CDH19: variants seen among roughly 807,000 people sequenced by gnomAD.
CDH19 encodes the protein cadherin 19.
CDH19 carries 67 observed loss-of-function variants against 64.2 expected under a neutral mutation model. The ratio of observed to expected loss-of-function variants is 1.04; its 90% confidence interval spans 0.86 to 1.28. The LOEUF (loss-of-function observed/expected upper bound fraction) is 1.28. Ranked by LOEUF, CDH19 falls within the 50% of genes most tolerant of loss-of-function variation. The pLI is 0.00. For synonymous variants in CDH19, 346 were observed against 319.3 expected, an observed-to-expected ratio of 1.08 and a Z score of -0.89; for missense variants, 1,030 against 929.0, an observed-to-expected ratio of 1.11 and a Z score of -1.41.
intron 1 of CDH19, among the ~76,000 whole-genome samples, chr18:66,603,700 C>A (rs1473087226): frequency 6.6e-6 from 1 of 151,980 alleles, no homozygotes; most frequent in East Asian, 1.9e-4. Flanking sequence ...GGTGTAACTT[C>A]CCCCCAACAC....
In CDH19 at chr18:66,556,800, G is replaced by A. The variant is rs1987536714; in HGVS notation, c.491-2276C>T. 3.9e-5 allele frequency among the ~76,000 whole-genome samples: 6 copies of A among 151,954 alleles called. No individual in the cohort carries two copies. In the South Asian group the frequency reaches 1.2e-3, roughly 31 times the overall value. On this transcript the variant is annotated intron_variant, in intron 3 of 11. Transcript: ENST00000262150. ...AGACACACACAAATAAATGGCCAATGGTTATATGAATGGGTTCTCAACATC... is the reference window on the plus strand; with the variant it reads ...AGACACACACAAATAAATGGCCAATAGTTATATGAATGGGTTCTCAACATC...
intron 9 of CDH19, among the ~76,000 whole-genome samples, chr18:66,525,187 C>T (rs1986173078): frequency 6.6e-6 from 1 of 152,108 alleles, no homozygotes; most frequent in South Asian, 2.1e-4. Context: ...ATCAGCACCA[C>T]TTAATATTAT....
chr18:66,567,707 T>C (rs1251180487), intron 3 of CDH19, among the ~76,000 whole-genome samples: 1 of 151,850 alleles, frequency 6.6e-6, no homozygotes, highest in Non-Finnish European at 1.5e-5. Flanking sequence ...TTTGTCACTG[T>C]TAAGTAAATT....
intron 1 of CDH19, among the ~76,000 whole-genome samples, chr18:66,573,507 T>A (rs1197489768): frequency 6.6e-6 from 1 of 151,714 alleles, no homozygotes; most frequent in Admixed American, 6.6e-5. Flanking sequence ...AGGTGAAATT[T>A]ATCTTTATGT....
chr18:66,567,778 A>G (rs749690589), intron 3 of CDH19, among the ~76,000 whole-genome samples: 4 of 151,864 alleles, frequency 2.6e-5, no homozygotes. Flanking sequence ...TAACTGAGAG[A>G]AGTTGTGCAT....
In CDH19 at chr18:66,589,361, GTATT is replaced by G. The variant is rs1162140542; in HGVS notation, c.-113+14589_-113+14592del. Among the ~76,000 whole-genome samples the G allele has an allele frequency of 5.3e-5, 8 of 151,662 alleles. No homozygotes were observed. The East Asian group carries it at 1.6e-3, about 29-fold the overall frequency. On this transcript the variant is annotated intron_variant, in intron 1 of 11. Transcript: ENST00000262150. ...TTCATTTTCCCAAGAATTTCTAACA[GTATT>G]TATTTCTTTGTTCTTATGCTTTCAT... is the stretch of plus-strand genomic sequence containing the variant.
intron 1 of CDH19, chr18:66,596,067 T>C (rs1278849533): frequency 6.6e-6 from 1 of 152,080 alleles, no homozygotes; most frequent in Non-Finnish European, 1.5e-5. Context: ...AAAAATCACA[T>C]GATCATGTCC....
intron 1 of CDH19, among the ~76,000 whole-genome samples, chr18:66,590,572 TTA>T (rs1409942159): frequency 6.6e-6 from 1 of 151,856 alleles, no homozygotes; most frequent in Non-Finnish European, 1.5e-5. Context: ...TAACACTTAT[TTA>T]TAGAACAGTG....
chr18:66,510,222 G>C lies in CDH19; in HGVS notation c.1577-976C>G, dbSNP rs188379024. 2.9e-3 allele frequency among the ~76,000 whole-genome samples: 437 copies of C among 151,680 alleles called. 2 individuals are homozygous for C. The highest frequency in any genetic ancestry group is 0.02 in the South Asian group (95 of 4,822). On this transcript the variant is annotated intron_variant, in intron 10 of 11. Transcript: ENST00000262150. The stretch of plus-strand genomic sequence containing the variant: ...ACATTTCCCAAATCACCTTTTTAAA[G>C]ACAATTCACTATGAAACCCTTAAGG...
chr18:66,512,095 C>A (rs1157470161), intron 9 of CDH19, among the ~76,000 whole-genome samples: 4 of 151,456 alleles, frequency 2.6e-5, no homozygotes, highest in Admixed American at 6.6e-5. Context: ...TTACTGAGAG[C>A]AAAACTGTGG....
intron 10 of CDH19, among the ~76,000 whole-genome samples, chr18:66,510,273 C>T (rs1410775884): frequency 6.6e-6 from 1 of 151,510 alleles, no homozygotes; most frequent in Non-Finnish European, 1.5e-5. Context: ...TGATTTTATT[C>T]GCTAGGCAGA....
chr18:66,540,959 A>C (rs1568187046), intron 7 of CDH19, among the ~76,000 whole-genome samples: 1 of 152,278 alleles, frequency 6.6e-6, no homozygotes, highest in African/African-American at 2.4e-5. Context: ...TCTAATTTTT[A>C]CCATACAAGG....
chr18:66,511,078 C>G (rs1985459542), intron 10 of CDH19, among the ~76,000 whole-genome samples: 1 of 151,698 alleles, frequency 6.6e-6, no homozygotes, highest in Non-Finnish European at 1.5e-5. Flanking sequence ...ACACTTAATC[C>G]TTAGATTGAT....
In CDH19 at chr18:66,506,262, A is replaced by G. The variant is rs578188314; in HGVS notation, c.1829-960T>C. 3.3e-5 allele frequency among the ~76,000 whole-genome samples: 5 copies of G among 152,112 alleles called. No homozygotes were observed. The East Asian group carries it at 7.7e-4, about 24-fold the overall frequency. On this transcript the variant is annotated intron_variant, in intron 11 of 11. Transcript: ENST00000262150. Reference sequence around the variant, plus strand: ...AAGTTCTGGTGTTCTATTATACCGTAGGGTGATTGTAGCTAATAATTTATT... The same window carrying G: ...AAGTTCTGGTGTTCTATTATACCGTGGGGTGATTGTAGCTAATAATTTATT...
chr18:66,600,400 T>G (rs2144648729), intron 1 of CDH19, among the ~76,000 whole-genome samples: 1 of 151,968 alleles, frequency 6.6e-6, no homozygotes, highest in East Asian at 1.9e-4. Context: ...TTTAACTCAC[T>G]CTCTTAAAAG....
intron 2 of CDH19, among the ~76,000 whole-genome samples, chr18:66,570,238 T>C (rs1399408419): frequency 6.6e-6 from 1 of 151,618 alleles, no homozygotes; most frequent in Admixed American, 6.6e-5. Flanking sequence ...TAAGTAAATA[T>C]ATTGCAAGTA....
intron 2 of CDH19, among the ~76,000 whole-genome samples, chr18:66,570,495 T>A (rs1384329510): frequency 1.3e-5 from 2 of 151,728 alleles, no homozygotes; most frequent in Non-Finnish European, 2.9e-5. Flanking sequence ...TCACTTCAAA[T>A]TTTCACTTAA....
At chr18:66,510,809 G>A (rs1985446292) in intron 10 of CDH19, among the ~76,000 whole-genome samples, 1 of 151,316 alleles carries the variant, frequency 6.6e-6, no homozygotes, top group Non-Finnish European at 1.5e-5. Context: ...ATTTACTCTC[G>A]TATGAAAGGC....
chr18:66,519,781 C>G (rs1469355323), intron 9 of CDH19, among the ~76,000 whole-genome samples: 1 of 152,150 alleles, frequency 6.6e-6, no homozygotes, highest in Non-Finnish European at 1.5e-5. Flanking sequence ...AAGAACAACA[C>G]TTATTTTGCT....
Sources: allele counts gnomAD v4.1 joint callset (sites outside exome capture counted in the v4.1 genomes callset), GRCh38; gene constraint gnomAD v4.1.1; transcripts MANE v1.5; gene names NCBI Gene and HGNC (gene_info 2026-07-23, HGNC 2026-07-21).